Variants in HOGA1 observed in about 807,000 individuals in gnomAD.
HOGA1 encodes 4-hydroxy-2-oxoglutarate aldolase, mitochondrial.
Under a neutral mutation model 34.3 loss-of-function variants are expected in HOGA1, and 30 were observed. The observed-to-expected ratio is 0.87, with a 90% confidence interval of 0.65 to 1.19. HOGA1 has a LOEUF of 1.19. HOGA1 is among the 50% of genes most tolerant of loss of function. HOGA1 has a pLI of 0.00. For missense variants in HOGA1, 417 were observed against 436.5 expected (o/e 0.96, Z 0.40); for synonymous variants, 161 against 174.0 (o/e 0.93, Z 0.59).
At chr10:97,607,313 G>T (rs1158764055) in intron 6 of HOGA1, among the ~76,000 whole-genome samples, 1 of 152,082 alleles carries the variant, frequency 6.6e-6, no homozygotes, top group Admixed American at 6.5e-5. Flanking sequence ...CCCTCCCCCT[G>T]GCCTGCTCTG....
At chr10:97,586,624 G>A (rs1193039665) in intron 1 of HOGA1, among the ~76,000 whole-genome samples, 2 of 152,182 alleles carry the variant, frequency 1.3e-5, no homozygotes, top group Non-Finnish European at 2.9e-5. Context: ...AAGGTTCAAG[G>A]ATGCTCTAGT....
intron 6 of HOGA1, 57 bp from the exon 7 acceptor site, chr10:97,611,453 C>T: frequency 6.3e-7 from 1 of 1,599,894 alleles, no homozygotes; most frequent in Non-Finnish European, 8.6e-7. Context: ...TCTCCGAGTT[C>T]CAGATATGGG....
At chr10:97,605,616 G>A (rs2041151442) in intron 6 of HOGA1, among the ~76,000 whole-genome samples, 1 of 152,170 alleles carries the variant, frequency 6.6e-6, no homozygotes, top group Non-Finnish European at 1.5e-5. Context: ...TCTGATAGAT[G>A]TATAGTACAG....
chr10:97,602,125 G>A lies in HOGA1; in HGVS notation c.834+135G>A, dbSNP rs1172948454. 6.5e-6 allele frequency: 10 copies of A among 1,549,634 alleles called. No individual in the cohort carries two copies. The East Asian group carries it at 1.2e-4, about 19-fold the overall frequency. On this transcript the variant is annotated intron_variant, in intron 6 of 6. Transcript: ENST00000370646. ...GAAAATCCTTTGAGAGAACATCCCA[G>A]TGTGGGAACTCCTTGTGACTCCCAG...
Position 97,603,851 on chromosome 10 carries a change from C to T in HOGA1, c.834+1861C>T, listed in dbSNP as rs1011403584. ...CTGGGATTACAGGCATGAGCCACTG[C>T]GCCTGGCCAAACTTTTTATTTTTAG... On this transcript the variant is annotated intron_variant, in intron 6 of 6. Transcript: ENST00000370646. The surrounding 1 kb of genome is among the most constrained non-coding windows in gnomAD (Gnocchi z 4.5). Among the ~76,000 whole-genome samples, 20 of 152,202 alleles carry T rather than the reference C, an allele frequency of 1.3e-4. No homozygotes were observed. Among genetic ancestry groups the T allele is most frequent in the East Asian group, 3.8e-4 (2 of 5,200 alleles).
intron 1 of HOGA1, among the ~76,000 whole-genome samples, chr10:97,595,047 G>A (rs1401274714): frequency 6.6e-6 from 1 of 152,204 alleles, no homozygotes; most frequent in Non-Finnish European, 1.5e-5. Context: ...CACTCCTTAT[G>A]TGATTCTTTT....
At chr10:97,588,865 C>T (rs2040993552) in intron 1 of HOGA1, among the ~76,000 whole-genome samples, 1 of 151,716 alleles carries the variant, frequency 6.6e-6, no homozygotes, top group Non-Finnish European at 1.5e-5. Context: ...TTTAAATGGG[C>T]TAGATGCTTT....
chr10:97,599,085 G>C lies in HOGA1; in HGVS notation c.341-4G>C. 1 of 1,612,352 alleles carries C rather than the reference G, an allele frequency of 6.2e-7. No individual in the cohort carries two copies. Among genetic ancestry groups the C allele is most frequent in the Non-Finnish European group, 8.5e-7 (1 of 1,179,988 alleles). ...TGCTCTCACCTCTCTCCTTCCTCTGGCAGCCACTCAAGCCACAGTGGAGAT... is the reference window on the plus strand; with the variant it reads ...TGCTCTCACCTCTCTCCTTCCTCTGCCAGCCACTCAAGCCACAGTGGAGAT... On this transcript the variant is annotated splice_polypyrimidine_tract_variant and splice_region_variant and intron_variant, in intron 2 of 6. Transcript: ENST00000370646.
At position 97,584,618 on chromosome 10, in the gene HOGA1, T is replaced by G; in HGVS notation, c.-86T>G. 24 of 1,217,030 alleles carry G rather than the reference T, an allele frequency of 2.0e-5. No homozygotes were observed. Among genetic ancestry groups the G allele is most frequent in the South Asian group, 5.7e-5 (4 of 69,942 alleles). The allele number at this position is 1,217,030 out of a possible 1,614,324, so 75.4% of individuals were successfully genotyped here. A position where few individuals can be genotyped will look rare whatever the true frequency, so the allele number is the denominator to read the frequency against. ...GGCCGCAAATTTTTAACTAGAAACA[T>G]TGATCATTAATAGGGGGTTAGAAAG... On this transcript the variant is annotated 5_prime_UTR_variant, in exon 1 of 7. Coordinates refer to ENST00000370646, the MANE Select transcript of HOGA1 (RefSeq NM_138413.4).
intron 1 of HOGA1, among the ~76,000 whole-genome samples, chr10:97,588,198 TC>T (rs67272727): frequency 0.19 from 26,594 of 138,024 alleles, 3,060 homozygotes; most frequent in Non-Finnish European, 0.26. Flanking sequence ...GTTTTTTCTT[TC>T]TTTTTTTTTT....
At chr10:97,590,728 G>T in intron 1 of HOGA1, 1 of 679,146 alleles carries the variant, frequency 1.5e-6, no homozygotes, top group Non-Finnish European at 2.5e-6. Flanking sequence ...GGCTCCTCAC[G>T]GGGATTATGG....
At chr10:97,598,248 A>G (rs1366962284) in intron 1 of HOGA1, among the ~76,000 whole-genome samples, 2 of 152,186 alleles carry the variant, frequency 1.3e-5, no homozygotes, top group African/African-American at 4.8e-5. Flanking sequence ...TTGGCCTCCT[A>G]AAGTGCTGAA....
At chr10:97,610,249 C>T (rs903897012) in intron 6 of HOGA1, among the ~76,000 whole-genome samples, 38 of 152,186 alleles carry the variant, frequency 2.5e-4, no homozygotes, top group African/African-American at 8.0e-4. Context: ...GGGCAGATCA[C>T]TTGAGCTCAG....
intron 6 of HOGA1, among the ~76,000 whole-genome samples, chr10:97,605,224 C>T (rs569904417): frequency 1.2e-3 from 185 of 152,092 alleles, no homozygotes; most frequent in African/African-American, 4.3e-3. Flanking sequence ...GCCTGCGCAA[C>T]ATGGGGAGAC....
chr10:97,594,227 G>T (rs571347454), intron 1 of HOGA1, among the ~76,000 whole-genome samples: 3 of 128,612 alleles, frequency 2.3e-5, no homozygotes, highest in African/African-American at 5.9e-5. Flanking sequence ...CCAGGCTACC[G>T]ATCAGTGGTG....
At chr10:97,599,598 G>C (rs542522849) in intron 3 of HOGA1, 82 bp from the exon 4 acceptor site, 4 of 1,576,540 alleles carry the variant, frequency 2.5e-6, no homozygotes, top group African/African-American at 1.3e-5. Flanking sequence ...AGCAGGCTGG[G>C]ACCTGTGGGT....
intron 6 of HOGA1, among the ~76,000 whole-genome samples, chr10:97,604,203 T>A (rs927144443): frequency 1.3e-5 from 2 of 152,230 alleles, no homozygotes; most frequent in African/African-American, 4.8e-5. Flanking sequence ...GGGGATTGGC[T>A]TTTTTCCACT....
intron 1 of HOGA1, among the ~76,000 whole-genome samples, chr10:97,589,053 T>A (rs1264384956): frequency 6.6e-6 from 1 of 152,096 alleles, no homozygotes; most frequent in Non-Finnish European, 1.5e-5. Context: ...GGTGCCTCAC[T>A]AAGGCAAGAG....
chr10:97,602,940 C>T (rs1185168746), intron 6 of HOGA1, among the ~76,000 whole-genome samples: 2 of 152,222 alleles, frequency 1.3e-5, no homozygotes, highest in Non-Finnish European at 2.9e-5. Context: ...GATCTGCCCA[C>T]CTCAGCCTCC....
Sources: allele counts gnomAD v4.1 joint callset (sites outside exome capture counted in the v4.1 genomes callset), GRCh38; gene constraint gnomAD v4.1.1; non-coding constraint Gnocchi (gnomAD v3.1); transcripts MANE v1.5; gene names NCBI Gene and HGNC (gene_info 2026-07-23, HGNC 2026-07-21).